TMPRSS3: variants seen among roughly 807,000 people sequenced by gnomAD.
The protein encoded by TMPRSS3 is transmembrane serine protease 3, also known as transmembrane protease serine 3.
Under a neutral mutation model 59.6 loss-of-function variants are expected in TMPRSS3, and 55 were observed. The ratio of observed to expected loss-of-function variants is 0.92; its 90% CI spans 0.74 to 1.16. The LOEUF (loss-of-function observed/expected upper bound fraction) is 1.16, where lower values mean the gene tolerates loss of function less well. TMPRSS3 is among the 50% of genes most tolerant of loss of function. The pLI is 0.00. For synonymous variants in TMPRSS3, 257 were observed against 237.7 expected (o/e 1.08, Z -0.75); for missense variants, 596 against 579.4 (o/e 1.03, Z -0.29).
At chr21:42,373,330 G>A (rs1012293202) in intron 12 of TMPRSS3, among the ~76,000 whole-genome samples, 2 of 152,198 alleles carry the variant, frequency 1.3e-5, no homozygotes, top group African/African-American at 4.8e-5. Context: ...GGGAAAGGGC[G>A]TGTCTGAGGC....
chr21:42,393,898 T>C (rs2058856906), intron 2 of TMPRSS3, among the ~76,000 whole-genome samples: 1 of 152,234 alleles, frequency 6.6e-6, no homozygotes, highest in Non-Finnish European at 1.5e-5. Flanking sequence ...TTTAATTATT[T>C]AATGCCATAG....
intron 10 of TMPRSS3, among the ~76,000 whole-genome samples, chr21:42,377,915 A>G (rs1236410480): frequency 1.3e-5 from 2 of 152,266 alleles, no homozygotes; most frequent in African/African-American, 4.8e-5. Context: ...AGCGAGAAGA[A>G]AATCGGCAGC....
chr21:42,372,771 T>C lies in TMPRSS3; in HGVS notation c.1353A>G (p.Leu451=). The C allele has an allele frequency of 6.2e-7, 1 of 1,614,100 alleles. No individual in the cohort carries two copies. Among genetic ancestry groups the C allele is most frequent in the Admixed American group, 1.7e-5 (1 of 60,026 alleles). Reference sequence around the variant, plus strand: ...CTTGTCCCCTTCCTCTTCAGGTTTTTAGGTCTCTCTATAAATGAAAACAAA... The same window carrying C: ...CTTGTCCCCTTCCTCTTCAGGTTTTCAGGTCTCTCTATAAATGAAAACAAA... ...DWIHEQMERD[L]KT is the part of the protein sequence containing the mutation. The change falls in exon 13 of 13, where the codon CTA becomes CTG. Residue 451 remains leucine, a synonymous_variant. Transcript: ENST00000644384.
intron 3 of TMPRSS3, 36 bp downstream of exon 3, chr21:42,389,891 T>C: frequency 6.7e-7 from 1 of 1,487,514 alleles, no homozygotes; most frequent in Non-Finnish European, 9.4e-7. Context: ...CTTGGCTAGG[T>C]ATTTGAGATC....
chr21:42,382,529 T>C (rs1016022182), intron 8 of TMPRSS3: 7 of 463,818 alleles, frequency 1.5e-5, no homozygotes, highest in African/African-American at 9.8e-5. Flanking sequence ...GGCACTACTG[T>C]TCATCAAACA....
At chr21:42,389,553 T>A (rs1208925109) in intron 3 of TMPRSS3, among the ~76,000 whole-genome samples, 1 of 152,274 alleles carries the variant, frequency 6.6e-6, no homozygotes, top group Non-Finnish European at 1.5e-5. Flanking sequence ...AAAAGCCACA[T>A]GCACCTTATT....
chr21:42,388,289 T>A lies in TMPRSS3; in HGVS notation c.446+114A>T. 4 of 1,405,960 alleles carry A rather than the reference T, an allele frequency of 2.8e-6. No homozygotes were observed. The highest frequency in any genetic ancestry group is 4.0e-6 in the Non-Finnish European group (4 of 997,574). 87.1% of individuals were successfully genotyped at this position (1,405,960 alleles called of 1,614,324 possible). ...GGGCATCCTAAGGTGGATGTGAGGA[T>A]GTAATCTGAGAGCGTTAAAGCACCC... is the stretch of plus-strand genomic sequence containing the variant. On this transcript the variant is annotated intron_variant, in intron 5 of 12. Transcript: ENST00000644384. This position sits in a 1 kb window ranked among gnomAD's most constrained non-coding sequence, Gnocchi z 5.1.
chr21:42,382,358 C>T (rs191072219), intron 8 of TMPRSS3, 124 bp from the exon 9 acceptor site: 2 of 863,616 alleles, frequency 2.3e-6, no homozygotes, highest in East Asian at 2.6e-5. Flanking sequence ...GTGGTCCCAT[C>T]ACCCTGCTTG....
At chr21:42,387,307 G>C (rs2052652055) in intron 5 of TMPRSS3, among the ~76,000 whole-genome samples, 1 of 152,056 alleles carries the variant, frequency 6.6e-6, no homozygotes, top group African/African-American at 2.4e-5. Flanking sequence ...CCCACCCAAT[G>C]AGTCAGAGGA....
At position 42,375,797 on chromosome 21, in the gene TMPRSS3, G is replaced by A. The variant is rs143447868; in HGVS notation, c.1263C>T (p.Gly421=). The stretch of plus-strand genomic sequence containing the variant: ...GCTTGTTCACCTCTGCGCAGCCGAT[G>A]CCAAAGCTGGTCGCTCCCACTAACT... ...LWKLVGATSF[G]IGCAEVNKPG... Residue 421 remains glycine, a synonymous_variant, in exon 12 of 13, where the codon GGC becomes GGT. Transcript: ENST00000644384. 3.7e-6 allele frequency: 6 copies of A among 1,613,734 alleles called. No homozygotes were observed. In the African/African-American group the frequency reaches 8.0e-5, roughly 22 times the overall value.
intron 7 of TMPRSS3, 52 bp from the exon 8 acceptor site, chr21:42,383,250 G>C (rs764090976): frequency 6.3e-7 from 1 of 1,597,748 alleles, no homozygotes; most frequent in Admixed American, 1.7e-5. Context: ...TTCTTTGGGG[G>C]ACATGGTGTC....
At chr21:42,379,069 G>C (rs988713758) in intron 10 of TMPRSS3, among the ~76,000 whole-genome samples, 4 of 152,014 alleles carry the variant, frequency 2.6e-5, no homozygotes, top group Non-Finnish European at 5.9e-5. Context: ...ATTTTTAGTA[G>C]AGACAGGGTC....
In TMPRSS3 at chr21:42,384,105, T is replaced by C. The variant is rs769003956; in HGVS notation, c.573-92A>G. On this transcript the variant is annotated intron_variant, in intron 6 of 12. Transcript: ENST00000644384. ...ACTCAATCTTAGGGTAACAGAAAAA[T>C]AAATTCTATTTCCCCCTCTTTGAAT... The C allele has an allele frequency of 4.5e-5, 55 of 1,218,180 alleles. 1 individual carries two copies. In the Middle Eastern group the frequency reaches 3.1e-3, roughly 69 times the overall value. The allele number at this position is 1,218,180 out of a possible 1,614,324, so 75.5% of individuals were successfully genotyped here.
chr21:42,383,530 C>T (rs1469018783), intron 7 of TMPRSS3: 1 of 519,864 alleles, frequency 1.9e-6, no homozygotes, highest in African/African-American at 1.9e-5. Context: ...CAGGAACCTT[C>T]TGCAGCCCCC....
In TMPRSS3 at chr21:42,388,715, T is replaced by A. The variant is rs774326513; in HGVS notation, c.323-189A>T. 2.7e-5 allele frequency among the ~76,000 whole-genome samples: 4 copies of A among 149,740 alleles called. No homozygotes were observed. The highest frequency in any genetic ancestry group is 4.5e-5 in the Non-Finnish European group (3 of 67,334). On this transcript the variant is annotated intron_variant, in intron 4 of 12. Transcript: ENST00000644384. The surrounding 1 kb of genome is among the most constrained non-coding windows in gnomAD (Gnocchi z 5.1). ...AGACTTCTCGCTGGTCTCATCTTAT[T>A]GCTTATGTGGTCTCCCCAAGAGAGC... is the stretch of plus-strand genomic sequence containing the variant.
chr21:42,383,076 T>C lies in TMPRSS3; in HGVS notation c.739A>G (p.Ile247Val), dbSNP rs1427857468. The C allele has an allele frequency of 3.7e-6, 6 of 1,614,032 alleles. No individual in the cohort carries two copies. The highest frequency in any genetic ancestry group is 5.1e-6 in the Non-Finnish European group (6 of 1,180,048). ...GCAGTGATGATCCACAGGGGCGTGATGACAGAGCCCCCGCACAGGTGGTAG... is the reference window on the plus strand; with the variant it reads ...GCAGTGATGATCCACAGGGGCGTGACGACAGAGCCCCCGCACAGGTGGTAG... The part of the protein sequence containing the change: ...QGYHLCGGSV[I>V]TPLWIITAAH... The change falls in exon 8 of 13, where the codon ATC becomes GTC. Residue 247 changes from isoleucine (I) to valine (V), a missense_variant. Physicochemically the swap from Ile to Val is conservative, Grantham distance 29 (BLOSUM62 3). Transcript: ENST00000644384.
Position 42,388,871 on chromosome 21 carries a change from T to C in TMPRSS3, c.322+58A>G. The C allele has an allele frequency of 2.8e-6, 4 of 1,438,052 alleles. No homozygotes were observed. Among genetic ancestry groups the C allele is most frequent in the Non-Finnish European group, 3.9e-6 (4 of 1,020,678 alleles). The allele number at this position is 1,438,052 out of a possible 1,614,324, so 89.1% of individuals were successfully genotyped here. A position where few individuals can be genotyped will look rare whatever the true frequency, so the allele number is the denominator to read the frequency against. ...GGACCCATTTTACAGATGGGAAGGG[T>C]CAGGGTTGGCTTCTGCTGCTTCCTT... On this transcript the variant is annotated intron_variant, in intron 4 of 12. Transcript: ENST00000644384. This position sits in a 1 kb window ranked among gnomAD's most constrained non-coding sequence, Gnocchi z 5.1.
chr21:42,385,562 G>A (rs527954559), intron 5 of TMPRSS3, 28 bp from the exon 6 acceptor site: 9 of 1,613,494 alleles, frequency 5.6e-6, no homozygotes, highest in African/African-American at 2.7e-5. Flanking sequence ...AGACAGACCC[G>A]ACGTGGTAAC....
At chr21:42,384,623 C>T (rs74636025) in intron 6 of TMPRSS3, among the ~76,000 whole-genome samples, 11,624 of 152,302 alleles carry the variant, frequency 0.076, 729 homozygotes, top group East Asian at 0.31. Context: ...CAAGAGAAAG[C>T]TAGTGTCACC....
Sources: allele counts gnomAD v4.1 joint callset (sites outside exome capture counted in the v4.1 genomes callset), GRCh38; gene constraint gnomAD v4.1.1; non-coding constraint Gnocchi (gnomAD v3.1); transcripts MANE v1.5; gene names NCBI Gene and HGNC (gene_info 2026-07-23, HGNC 2026-07-21).